The following TMEM182 variants were observed in gnomAD, a reference collection of about 807,000 sequenced individuals.
TMEM182 encodes transmembrane protein 182.
TMEM182 carries 20 observed loss-of-function variants against 26.8 expected under a neutral mutation model. The ratio of observed to expected loss-of-function variants is 0.75; its 90% CI spans 0.53 to 1.09. TMEM182 has a LOEUF of 1.09. Ranked by LOEUF, TMEM182 falls within the 50% of genes least tolerant of loss-of-function variation. The probability of loss-of-function intolerance (pLI) is 0.00; values close to 1 mark genes in which losing one functional copy is unlikely to be tolerated. For missense variants in TMEM182, 277 were observed against 275.5 expected, an observed-to-expected ratio of 1.01 and a Z score of -0.04; for synonymous variants, 109 against 102.2, an observed-to-expected ratio of 1.07 and a Z score of -0.40.
At chr2:102,818,703 G>A (rs1428747819), downstream of TMEM182, among the ~76,000 whole-genome samples, 1 of 152,054 alleles carries the variant, frequency 6.6e-6, no homozygotes, top group Non-Finnish European at 1.5e-5. Context: ...TCTGCTTCTA[G>A]ATGTAAGGAG....
At chr2:102,752,351 T>C (rs1028509103) in intron 1 of TMEM182, among the ~76,000 whole-genome samples, 1 of 152,234 alleles carries the variant, frequency 6.6e-6, no homozygotes, top group Non-Finnish European at 1.5e-5. Context: ...TTAGTTGTTG[T>C]GTCATTTGGG....
At chr2:102,787,255 T>C (rs1285050487) in intron 3 of TMEM182, among the ~76,000 whole-genome samples, 2 of 152,218 alleles carry the variant, frequency 1.3e-5, no homozygotes, top group Non-Finnish European at 2.9e-5. Flanking sequence ...AAGACATTTA[T>C]TTCTCATCAC....
At position 102,827,094 on chromosome 2, in the gene TMEM182, C is replaced by T. The variant is rs189299990; in HGVS notation, c.326-16318C>T. On this transcript the variant is annotated intron_variant, in intron 3 of 3. Transcript: ENST00000486293. The stretch of plus-strand genomic sequence containing the variant: ...TCACAGCACGTAGCATGCTGCCAGC[C>T]GCCACATGGCTATTTGGCAGCTATT... Among the ~76,000 whole-genome samples the T allele has an allele frequency of 9.2e-5, 14 of 152,294 alleles. No individual in the cohort carries two copies. The East Asian group carries it at 1.7e-3, about 19-fold the overall frequency.
intron 4 of TMEM182, among the ~76,000 whole-genome samples, chr2:102,800,812 T>C (rs1399977427): frequency 6.8e-6 from 1 of 146,484 alleles, no homozygotes; most frequent in East Asian, 1.9e-4. Context: ...TGTGTGTGTG[T>C]GTGTGTGTGT....
chr2:102,794,381 A>G (rs1188345260), intron 3 of TMEM182, among the ~76,000 whole-genome samples: 1 of 152,232 alleles, frequency 6.6e-6, no homozygotes, highest in Admixed American at 6.5e-5. Context: ...ATTTACATGG[A>G]TATTAATCAT....
chr2:102,753,420 G>T (rs1679935963), intron 1 of TMEM182, among the ~76,000 whole-genome samples: 1 of 152,268 alleles, frequency 6.6e-6, no homozygotes, highest in Non-Finnish European at 1.5e-5. Flanking sequence ...CTGTAGTCAT[G>T]TTCAGTGTAA....
intron 4 of TMEM182, 77 bp downstream of exon 4, chr2:102,798,077 G>A (rs913984385): frequency 1.3e-6 from 2 of 1,519,950 alleles, no homozygotes; most frequent in African/African-American, 1.4e-5. Context: ...TCTATATTCA[G>A]GCGTCAGCCT....
intron 3 of TMEM182, among the ~76,000 whole-genome samples, chr2:102,828,336 G>T (rs986382465): frequency 1.3e-4 from 20 of 152,234 alleles, no homozygotes; most frequent in African/African-American, 4.6e-4. Context: ...GGGAAATTGG[G>T]CATGGAGACA....
intron 1 of TMEM182, among the ~76,000 whole-genome samples, chr2:102,756,507 A>G (rs1338733304): frequency 6.6e-5 from 10 of 151,626 alleles, no homozygotes; most frequent in Admixed American, 6.6e-4. Context: ...CAGGAGTTGG[A>G]GACTGGTCTG....
chr2:102,817,337 A>G lies in TMEM182; in HGVS notation c.*2369A>G. 2 of 985,440 alleles carry G rather than the reference A, an allele frequency of 2.0e-6. No homozygotes were observed. Among genetic ancestry groups the G allele is most frequent in the Non-Finnish European group, 2.4e-6 (2 of 829,926 alleles). The allele number at this position is 985,440 out of a possible 1,614,324, so 61.0% of individuals were successfully genotyped here. A position where few individuals can be genotyped will look rare whatever the true frequency, so the allele number is the denominator to read the frequency against. On this transcript the variant is annotated 3_prime_UTR_variant, in exon 5 of 5. Transcript: ENST00000412401. ...ATTTTGCATCATAAAGTTTCAATTT[A>G]TCAAGGATATCTTTTCAGTTACACT...
chr2:102,825,109 A>G (rs1344528478), intron 3 of TMEM182, among the ~76,000 whole-genome samples: 1 of 152,244 alleles, frequency 6.6e-6, no homozygotes, highest in East Asian at 1.9e-4. Flanking sequence ...CTCAAAGGCA[A>G]AAACTTCAGT....
chr2:102,762,547 C>T (rs367815136), intron 1 of TMEM182, 40 bp from the exon 2 acceptor site: 23 of 1,583,756 alleles, frequency 1.5e-5, no homozygotes, highest in South Asian at 2.3e-5. Flanking sequence ...GATTATATTT[C>T]TTGTATTGAT....
chr2:102,815,309 T>G lies in TMEM182; in HGVS notation c.*341T>G, dbSNP rs1682704126. 1 of 1,018,038 alleles carries G rather than the reference T, an allele frequency of 9.8e-7. No homozygotes were observed. The highest frequency in any genetic ancestry group is 1.2e-6 in the Non-Finnish European group (1 of 851,764). 63.1% of individuals were successfully genotyped at this position (1,018,038 alleles called of 1,614,324 possible). On this transcript the variant is annotated 3_prime_UTR_variant, in exon 5 of 5. Coordinates refer to ENST00000412401, the MANE Select transcript of TMEM182 (RefSeq NM_144632.5). ...GGGGAAAATCTCGATAGATTTGGCT[T>G]AAAGTCTCCTTGGCATTCACTTCTG...
At chr2:102,758,516 G>A, upstream of TMEM182, 3 of 716,666 alleles carry the variant, frequency 4.2e-6, no homozygotes, top group South Asian at 4.4e-5. Context: ...GTCTAATAAG[G>A]ATTTGTTAAA....
At chr2:102,769,974 T>G (rs1206111737) in intron 3 of TMEM182, among the ~76,000 whole-genome samples, 2 of 152,226 alleles carry the variant, frequency 1.3e-5, no homozygotes, top group Non-Finnish European at 2.9e-5. Context: ...TAGCTTGATA[T>G]GCAAAACTGG....
upstream of TMEM182, among the ~76,000 whole-genome samples, chr2:102,759,924 G>C (rs10172680): frequency 6.6e-6 from 1 of 152,024 alleles, no homozygotes; most frequent in Non-Finnish European, 1.5e-5. Context: ...ACAGGTTCCC[G>C]GGTTTTCATG....
intron 3 of TMEM182, among the ~76,000 whole-genome samples, chr2:102,779,151 T>C (rs1224597593): frequency 6.6e-6 from 1 of 152,162 alleles, no homozygotes; most frequent in Non-Finnish European, 1.5e-5. Flanking sequence ...GTTATGCCAC[T>C]TTTTCCTGAC....
chr2:102,757,353 CT>C (rs1442526958), upstream of TMEM182: 6 of 152,166 alleles, frequency 3.9e-5, no homozygotes, highest in East Asian at 9.7e-4. Context: ...TGTGAGTTGC[CT>C]TTAGTAGTGG....
intron 4 of TMEM182, among the ~76,000 whole-genome samples, chr2:102,810,593 G>T (rs867759800): frequency 1.3e-5 from 2 of 152,212 alleles, no homozygotes; most frequent in Admixed American, 6.5e-5. Flanking sequence ...TTCACATACT[G>T]CCAATAACAA....
Sources: allele counts gnomAD v4.1 joint callset (sites outside exome capture counted in the v4.1 genomes callset), GRCh38; gene constraint gnomAD v4.1.1; transcripts MANE v1.5; gene names NCBI Gene and HGNC (gene_info 2026-07-23, HGNC 2026-07-21).